The following RBFOX1 variants were observed in gnomAD, a reference collection of about 807,000 sequenced individuals.
RBFOX1 encodes RNA binding protein fox-1 homolog 1.
In RBFOX1, 8 loss-of-function variants were observed where a neutral mutation model predicts 57.7. The observed-to-expected ratio is 0.14, with a 90% CI of 0.08 to 0.25. RBFOX1 has a LOEUF of 0.25. Ranked by LOEUF, RBFOX1 falls within the 10% of genes least tolerant of loss-of-function variation. The pLI is 1.00. For synonymous variants in RBFOX1, 326 were observed against 222.4 expected (o/e 1.47, Z -4.15); for missense variants, 611 against 548.5 (o/e 1.11, Z -1.14).
At chr16:6,927,608 C>T (rs1050994457) in intron 3 of RBFOX1, among the ~76,000 whole-genome samples, 4 of 151,934 alleles carry the variant, frequency 2.6e-5, no homozygotes, top group Non-Finnish European at 5.9e-5. Context: ...AAGTACCTGA[C>T]ATTTAGCAGG....
chr16:6,864,641 G>A (rs913508150), intron 3 of RBFOX1, among the ~76,000 whole-genome samples: 1 of 150,406 alleles, frequency 6.6e-6, no homozygotes. Context: ...TGATTCAAAT[G>A]TTTTATTTGT....
At chr16:7,096,128 C>G (rs1419954626) in intron 4 of RBFOX1, among the ~76,000 whole-genome samples, 1 of 152,012 alleles carries the variant, frequency 6.6e-6, no homozygotes, top group African/African-American at 2.4e-5. Context: ...TGATCCCAAT[C>G]TTCATATAAC....
intron 3 of RBFOX1, among the ~76,000 whole-genome samples, chr16:6,891,229 A>C (rs1022213864): frequency 1.3e-5 from 2 of 152,202 alleles, no homozygotes; most frequent in Non-Finnish European, 2.9e-5. Flanking sequence ...CAAATTATAG[A>C]ATATGAATCA....
chr16:7,370,889 C>G (rs1174039759), intron 4 of RBFOX1, among the ~76,000 whole-genome samples: 1 of 152,080 alleles, frequency 6.6e-6, no homozygotes, highest in Non-Finnish European at 1.5e-5. Context: ...TGCTTGAGGT[C>G]AAAAAGAAAT....
chr16:7,197,440 G>GAAAAAAAAAAAAAAAAAAAA (rs57893229), intron 4 of RBFOX1, among the ~76,000 whole-genome samples: 1 of 91,324 alleles, frequency 1.1e-5, no homozygotes, highest in Non-Finnish European at 2.1e-5. Flanking sequence ...CCTGTGAGTG[G>GAAAAAAAAAAAAAAAAAAAA]AAAAAAAAAA....
At chr16:5,721,706 T>C (rs779468811) in intron 3 of RBFOX1, among the ~76,000 whole-genome samples, 1 of 152,236 alleles carries the variant, frequency 6.6e-6, no homozygotes, top group Non-Finnish European at 1.5e-5. Context: ...ATGCTTTCTC[T>C]GCATCTATTG....
chr16:5,636,837 G>A (rs2159298), intron 3 of RBFOX1, among the ~76,000 whole-genome samples: 78,332 of 151,974 alleles, frequency 0.52, 24,107 homozygotes, highest in Non-Finnish European at 0.7. Context: ...GACCTGGGAA[G>A]TAAACATTTC....
chr16:6,528,475 T>G (rs933131075), intron 2 of RBFOX1, among the ~76,000 whole-genome samples: 1 of 152,212 alleles, frequency 6.6e-6, no homozygotes, highest in Non-Finnish European at 1.5e-5. Context: ...CCCTACAGCA[T>G]CATCTCCAAA....
chr16:6,422,391 C>G (rs1270135025), intron 2 of RBFOX1, among the ~76,000 whole-genome samples: 1 of 152,096 alleles, frequency 6.6e-6, no homozygotes, highest in Non-Finnish European at 1.5e-5. Context: ...AGCCCATGCC[C>G]TCCTCCCTGT....
At position 5,251,028 on chromosome 16, in the gene RBFOX1, C is replaced by T. The variant is rs528687375; in HGVS notation, c.219+10923C>T. Among the ~76,000 whole-genome samples the T allele has an allele frequency of 1.9e-4, 29 of 152,260 alleles. No individual in the cohort carries two copies. The East Asian group carries it at 5.2e-3, about 27-fold the overall frequency. ...CATCTTCTGCAGATGATGGCACGAC[C>T]GCCCCTCTTTCTTTTATTCACACTA... On this transcript the variant is annotated intron_variant, in intron 1 of 2. Transcript: ENST00000585867.
chr16:5,632,940 CTTT>C (rs71142634), intron 3 of RBFOX1, among the ~76,000 whole-genome samples: 2 of 125,610 alleles, frequency 1.6e-5, no homozygotes, highest in Non-Finnish European at 1.6e-5. Context: ...TTAACAACTC[CTTT>C]TTTTTTTTTT....
intron 4 of RBFOX1, among the ~76,000 whole-genome samples, chr16:7,177,948 A>G (rs564863939): frequency 2.0e-5 from 3 of 152,204 alleles, no homozygotes; most frequent in South Asian, 2.1e-4. Flanking sequence ...CAGAAGATCA[A>G]CTGGAGAGCA....
intron 1 of RBFOX1, among the ~76,000 whole-genome samples, chr16:6,149,656 T>C (rs2096784014): frequency 6.6e-6 from 1 of 152,142 alleles, no homozygotes; most frequent in Non-Finnish European, 1.5e-5. Flanking sequence ...TCTTGCTGCT[T>C]TCCTGGGTTG....
chr16:7,609,063 C>G (rs955135292), intron 10 of RBFOX1, among the ~76,000 whole-genome samples: 1 of 152,172 alleles, frequency 6.6e-6, no homozygotes, highest in African/African-American at 2.4e-5. Flanking sequence ...GCAAGGAAAT[C>G]AAATACTCCA....
chr16:7,151,220 A>C (rs1567469699), intron 4 of RBFOX1, among the ~76,000 whole-genome samples: 1 of 152,210 alleles, frequency 6.6e-6, no homozygotes, highest in East Asian at 1.9e-4. Context: ...AAATTTTTAA[A>C]AGTCACTCAT....
At chr16:6,799,059 G>C (rs2084751770) in intron 3 of RBFOX1, among the ~76,000 whole-genome samples, 1 of 152,058 alleles carries the variant, frequency 6.6e-6, no homozygotes, top group Non-Finnish European at 1.5e-5. Context: ...GGCTATATTT[G>C]GTAGCTTATA....
At chr16:7,369,735 A>C (rs2097533844) in intron 4 of RBFOX1, among the ~76,000 whole-genome samples, 1 of 152,148 alleles carries the variant, frequency 6.6e-6, no homozygotes, top group South Asian at 2.1e-4. Flanking sequence ...CTTTCCAACA[A>C]GTTTGTTGTG....
At chr16:7,530,532 C>G (rs1284776233) in intron 5 of RBFOX1, among the ~76,000 whole-genome samples, 1 of 151,526 alleles carries the variant, frequency 6.6e-6, no homozygotes, top group East Asian at 1.9e-4. Flanking sequence ...TTCATTTTAT[C>G]TAGTTCTCTC....
chr16:6,008,938 G>A (rs1326272222), intron 4 of RBFOX1, among the ~76,000 whole-genome samples: 1 of 152,174 alleles, frequency 6.6e-6, no homozygotes, highest in East Asian at 1.9e-4. Flanking sequence ...AAATCAAATA[G>A]ACGGATGGCT....
Sources: allele counts gnomAD v4.1 joint callset (sites outside exome capture counted in the v4.1 genomes callset), GRCh38; gene constraint gnomAD v4.1.1; transcripts MANE v1.5; gene names NCBI Gene and HGNC (gene_info 2026-07-23, HGNC 2026-07-21).